Variants in PAIP1 observed in about 807,000 individuals in gnomAD.
PAIP1 encodes the protein poly(A) binding protein interacting protein 1.
Under a neutral mutation model 61.3 loss-of-function variants are expected in PAIP1, and 16 were observed. The observed-to-expected ratio is 0.26, with a 90% CI of 0.18 to 0.40. The LOEUF (loss-of-function observed/expected upper bound fraction) is 0.40. Ranked by LOEUF, PAIP1 falls within the 10% of genes least tolerant of loss-of-function variation. PAIP1 has a pLI of 1.00. For missense variants in PAIP1, 416 were observed against 600.9 expected, an observed-to-expected ratio of 0.69 and a Z score of 3.22; for synonymous variants, 187 against 226.2, an observed-to-expected ratio of 0.83 and a Z score of 1.56.
At position 43,555,976 on chromosome 5, in the gene PAIP1, G is replaced by A. The variant is rs190101953; in HGVS notation, c.289C>T (p.Pro97Ser). 1.2e-6 allele frequency: 2 copies of A among 1,613,406 alleles called. No homozygotes were observed. Among genetic ancestry groups the A allele is most frequent in the Admixed American group, 3.3e-5 (2 of 59,880 alleles). ...GGGATTTTATCCTGTGAACTAGGTG[G>A]AGCTCTCAGGGGCCTCGTTTGCTCT... ...LPEQTRPLRA[P>S]PSSQDKIPQQ... The change falls in exon 2 of 11, where the codon CCA becomes TCA. Residue 97 changes from proline to serine, a missense_variant. By Grantham distance (74) the Pro-to-Ser change is moderately conservative. Transcript: ENST00000306846.
At chr5:43,548,932 T>C (rs1236472153) in intron 2 of PAIP1, among the ~76,000 whole-genome samples, 1 of 152,168 alleles carries the variant, frequency 6.6e-6, no homozygotes, top group African/African-American at 2.4e-5. Flanking sequence ...ATGCTCCATG[T>C]TGGAGAAAGA....
In PAIP1 at chr5:43,529,947, A is replaced by C. The variant is rs1157268979; in HGVS notation, c.1253-68T>G. 7 of 778,866 alleles carry C rather than the reference A, an allele frequency of 9.0e-6. No homozygotes were observed. The African/African-American group carries it at 1.0e-4, about 11-fold the overall frequency. The allele number at this position is 778,866 out of a possible 1,614,324, so 48.2% of individuals were successfully genotyped here. ...TCACATGAAATGACCAATCACCCCT[A>C]AATGTTTTTTAATATTATGACTTTT... On this transcript the variant is annotated intron_variant, in intron 9 of 10. Coordinates refer to ENST00000306846, the MANE Select transcript of PAIP1 (RefSeq NM_006451.5).
chr5:43,548,063 T>G, intron 2 of PAIP1, 150 bp from the exon 3 acceptor site: 1 of 577,022 alleles, frequency 1.7e-6, no homozygotes, highest in Middle Eastern at 4.5e-4. Context: ...GAGCTATTTT[T>G]CTTCCTTGCC....
At chr5:43,531,655 T>TTAAAAAAAAAA (rs1561228142) in intron 9 of PAIP1, among the ~76,000 whole-genome samples, 1 of 7,952 alleles carries the variant, frequency 1.3e-4, no homozygotes, top group Non-Finnish European at 3.3e-4. Flanking sequence ...AGACTCTGTC[T>TTAAAAAAAAAA]CAAAAAAAAA....
intron 8 of PAIP1, among the ~76,000 whole-genome samples, chr5:43,534,181 C>A (rs968755706): frequency 2.0e-5 from 3 of 151,918 alleles, no homozygotes; most frequent in Non-Finnish European, 4.4e-5. Context: ...AGCTTCAGGG[C>A]ATCACTGGCC....
At chr5:43,542,578 T>A (rs1252886732) in intron 4 of PAIP1, among the ~76,000 whole-genome samples, 1 of 151,356 alleles carries the variant, frequency 6.6e-6, no homozygotes, top group Non-Finnish European at 1.5e-5. Context: ...GTATGAATTG[T>A]ATGGTAATAA....
Position 43,547,808 on chromosome 5 carries a change from C to T in PAIP1, c.541G>A (p.Glu181Lys), listed in dbSNP as rs1747703185. Residue 181 changes from glutamate to lysine, a missense_variant, in exon 3 of 11, where the codon GAA becomes AAA. By Grantham distance (56) the Glu-to-Lys change is moderately conservative. Transcript: ENST00000306846. ...CCATTCAGGGTCTCTGCAAACTGTT[C>T]AATTTCAGTTTCAAAACTGCCAGGC... ...EQPGSFETEI[E>K]QFAETLNGCV... 1 of 1,611,118 alleles carries T rather than the reference C, an allele frequency of 6.2e-7. No homozygotes were observed. The highest frequency in any genetic ancestry group is 8.5e-7 in the Non-Finnish European group (1 of 1,178,076).
intron 4 of PAIP1, among the ~76,000 whole-genome samples, chr5:43,539,323 GGCAGC>G (rs1170185201): frequency 6.6e-6 from 1 of 151,990 alleles, no homozygotes; most frequent in Non-Finnish European, 1.5e-5. Context: ...ACAGCATACT[GGCAGC>G]CCAAAGAGGG....
intron 5 of PAIP1, among the ~76,000 whole-genome samples, chr5:43,537,217 T>C (rs1747190018): frequency 6.6e-6 from 1 of 152,230 alleles, no homozygotes; most frequent in African/African-American, 2.4e-5. Context: ...CTTTCTTTAG[T>C]TTGTTCAACT....
chr5:43,556,751 C>G lies in PAIP1; in HGVS notation c.96G>C (p.Pro32=), dbSNP rs979366012. The change falls in exon 1 of 11, where the codon CCG becomes CCC. Residue 32 remains proline, a synonymous_variant. Coordinates refer to ENST00000306846, the MANE Select transcript of PAIP1 (RefSeq NM_006451.5). The part of the protein sequence containing the change: ...GGGGPEGGGF[P]NGAGPAERAR... ...CCCGCTCAGCAGGCCCCGCTCCGTT[C>G]GGGAAACCGCCGCCCTCAGGCCCGC... 7.1e-7 allele frequency: 1 copy of G among 1,413,658 alleles called. No individual in the cohort carries two copies. The highest frequency in any genetic ancestry group is 9.2e-7 in the Non-Finnish European group (1 of 1,087,500). The allele number at this position is 1,413,658 out of a possible 1,614,324, so 87.6% of individuals were successfully genotyped here.
chr5:43,545,458 T>G (rs888876873), intron 3 of PAIP1, among the ~76,000 whole-genome samples: 2 of 152,250 alleles, frequency 1.3e-5, no homozygotes, highest in Non-Finnish European at 2.9e-5. Flanking sequence ...GGCTGTTCAG[T>G]GTAAAAAGAT....
At chr5:43,539,335 A>C (rs758201818) in intron 4 of PAIP1, among the ~76,000 whole-genome samples, 5 of 152,084 alleles carry the variant, frequency 3.3e-5, no homozygotes, top group Non-Finnish European at 7.4e-5. Context: ...CAGCCCAAAG[A>C]GGGGAGAGAG....
intron 2 of PAIP1, among the ~76,000 whole-genome samples, chr5:43,552,520 C>T (rs1476865302): frequency 6.6e-6 from 1 of 152,166 alleles, no homozygotes; most frequent in Non-Finnish European, 1.5e-5. Flanking sequence ...ACGTCACCAA[C>T]TGTCATCTGA....
intron 5 of PAIP1, 37 bp downstream of exon 5, chr5:43,538,887 G>T: frequency 1.0e-6 from 1 of 1,000,656 alleles, no homozygotes; most frequent in Non-Finnish European, 1.6e-6. Flanking sequence ...TATGTTCTCA[G>T]GCCTTGTTAG....
At chr5:43,531,418 AAAAGT>A (rs1417044714) in intron 9 of PAIP1, among the ~76,000 whole-genome samples, 2 of 151,384 alleles carry the variant, frequency 1.3e-5, no homozygotes, top group Non-Finnish European at 1.5e-5. Context: ...GAAAAAAAAA[AAAAGT>A]GTGTGGACAA....
intron 5 of PAIP1, 84 bp downstream of exon 5, chr5:43,538,840 G>A (rs1375621463): frequency 2.7e-6 from 2 of 750,224 alleles, no homozygotes; most frequent in Non-Finnish European, 4.7e-6. Context: ...TGTTGTAAAA[G>A]TACAATGTGA....
intron 8 of PAIP1, 68 bp downstream of exon 8, chr5:43,534,785 T>C: frequency 1.2e-6 from 1 of 836,602 alleles, no homozygotes; most frequent in Non-Finnish European, 2.1e-6. Flanking sequence ...CAGCTTTATG[T>C]AGCTCTTCTA....
chr5:43,551,248 T>C lies in PAIP1; in HGVS notation c.436-3335A>G, dbSNP rs550411382. ...TGAGCGCAGAACAAAGCCTATATTT[T>C]TAACCTCTCTGTGAAACTCAAAATA... On this transcript the variant is annotated intron_variant, in intron 2 of 10. Coordinates refer to ENST00000306846, the MANE Select transcript of PAIP1 (RefSeq NM_006451.5). 6.8e-4 allele frequency among the ~76,000 whole-genome samples: 103 copies of C among 152,132 alleles called. 1 individual carries two copies. The highest frequency in any genetic ancestry group is 1.3e-3 in the Non-Finnish European group (88 of 67,996).
chr5:43,539,550 C>T (rs935636030), intron 4 of PAIP1, among the ~76,000 whole-genome samples: 5 of 149,088 alleles, frequency 3.4e-5, no homozygotes, highest in African/African-American at 2.5e-5. Context: ...TTCCATTATA[C>T]GTATCAGAGA....
Sources: gnomAD v4.1 joint callset for allele counts (sites outside exome capture counted in the v4.1 genomes callset) on GRCh38, gnomAD v4.1.1 for gene constraint, MANE v1.5 for transcripts, NCBI Gene and HGNC (gene_info 2026-07-23, HGNC 2026-07-21) for gene names.